Variants in RABL2A observed in about 807,000 individuals in gnomAD.
RABL2A encodes the protein RAB, member of RAS oncogene family like 2A.
RABL2A carries 17 observed loss-of-function variants against 30.7 expected under a neutral mutation model. That is an observed-to-expected ratio of 0.55 (90% confidence interval 0.38 to 0.83). The LOEUF is 0.83. RABL2A is among the 40% of genes least tolerant of loss of function. The pLI is 0.00. For synonymous variants in RABL2A, 64 were observed against 101.8 expected (o/e 0.63, Z 2.24); for missense variants, 155 against 272.6 (o/e 0.57, Z 3.04).
intron 1 of RABL2A, among the ~76,000 whole-genome samples, 163 bp downstream of exon 1, chr2:113,627,563 G>A (rs1678544615): frequency 6.6e-6 from 1 of 152,048 alleles, no homozygotes; most frequent in African/African-American, 2.4e-5. Flanking sequence ...GGCGATGCCT[G>A]GACATGGTTG....
intron 5 of RABL2A, among the ~76,000 whole-genome samples, chr2:113,639,743 C>T (rs1684392034): frequency 6.6e-6 from 1 of 152,018 alleles, no homozygotes; most frequent in African/African-American, 2.4e-5. Context: ...GTAGTCCCAG[C>T]TACTGAGGAG....
rs1280324642 is a variant in RABL2A at position 113,634,683 on chromosome 2, C to G, written c.218-368C>G. The G allele has an allele frequency of 7.2e-6, 3 of 418,956 alleles. No homozygotes were observed. The East Asian group carries it at 1.6e-4, about 22-fold the overall frequency. The allele number at this position is 418,956 out of a possible 1,614,324, so 26.0% of individuals were successfully genotyped here. ...TTGGCCGGGCACACAGCCTGCCTGA[C>G]TCTGTCTACCGTCTGTGGTCATCGC... On this transcript the variant is annotated intron_variant, in intron 4 of 8. Transcript: ENST00000683472.
At chr2:113,633,940 T>A (rs1297610867) in intron 3 of RABL2A, 3 of 1,074,846 alleles carry the variant, frequency 2.8e-6, no homozygotes, top group East Asian at 2.8e-5. Context: ...CAGGACACAC[T>A]CTCATCTCCT....
chr2:113,638,261 C>G (rs1683697569), intron 5 of RABL2A: 1 of 985,262 alleles, frequency 1.0e-6, no homozygotes, highest in Non-Finnish European at 1.2e-6. Flanking sequence ...CCTGCCACCT[C>G]TTGAGATGTG....
chr2:113,632,692 G>C (rs1384358620), intron 2 of RABL2A, among the ~76,000 whole-genome samples: 1 of 152,232 alleles, frequency 6.6e-6, no homozygotes, highest in African/African-American at 2.4e-5. Flanking sequence ...AGCTTCACGT[G>C]GGCTGGTGTG....
intron 5 of RABL2A, chr2:113,637,394 C>G (rs1224143625): frequency 9.6e-7 from 1 of 1,044,344 alleles, no homozygotes; most frequent in Non-Finnish European, 1.2e-6. Flanking sequence ...TGATCCCTTC[C>G]ACAACATGGA....
chr2:113,637,681 A>G (rs1683456282), intron 5 of RABL2A: 3 of 1,283,350 alleles, frequency 2.3e-6, no homozygotes, highest in Admixed American at 2.4e-5. Context: ...GGGGCAAGGA[A>G]AATGGGGGCA....
intron 5 of RABL2A, 98 bp from the exon 6 acceptor site, chr2:113,640,796 G>A: frequency 4.4e-6 from 7 of 1,587,508 alleles, no homozygotes; most frequent in Non-Finnish European, 6.0e-6. Flanking sequence ...ACAGCACCAT[G>A]TGCTCATGCT....
At position 113,641,412 on chromosome 2, in the gene RABL2A, T is replaced by G. The variant is rs1335249556; in HGVS notation, c.469T>G (p.Tyr157Asp). ...NFAKKFSLPL[Y>D]FVSAADGTNV... ...TGCCAAGAAGTTCTCCCTGCCCCTGTATTTCGTCTCGGCTGCTGATGGTAC... is the reference window on the plus strand; with the variant it reads ...TGCCAAGAAGTTCTCCCTGCCCCTGGATTTCGTCTCGGCTGCTGATGGTAC... The change falls in exon 7 of 9, where the codon TAT (tyrosine) becomes GAT (aspartate). Residue 157 changes from tyrosine to aspartate, a missense_variant. Tyr to Asp is a radical substitution (Grantham distance 160). Around this residue, in one of 5 missense-constraint regions of RABL2A, gnomAD observed 33 missense variants for 30.7 expected, o/e 1.08. Transcript: ENST00000683472. The G allele has an allele frequency of 6.2e-7, 1 of 1,611,738 alleles. No individual in the cohort carries two copies. The highest frequency in any genetic ancestry group is 1.3e-5 in the African/African-American group (1 of 74,326).
At chr2:113,633,065 G>A (rs1573992645) in intron 3 of RABL2A, 121 bp downstream of exon 3, 5 of 1,494,106 alleles carry the variant, frequency 3.3e-6, no homozygotes, top group South Asian at 1.1e-5. Flanking sequence ...GATTGGGTAA[G>A]TGAACGCACA....
At chr2:113,629,318 C>G (rs1249827464) in intron 2 of RABL2A, among the ~76,000 whole-genome samples, 1 of 152,192 alleles carries the variant, frequency 6.6e-6, no homozygotes, top group Non-Finnish European at 1.5e-5. Context: ...ACACTTGCCC[C>G]TGCCCAGAGA....
Position 113,639,517 on chromosome 2 carries a change from G to C in RABL2A, c.298-1377G>C, listed in dbSNP as rs1241102274. Among the ~76,000 whole-genome samples the C allele has an allele frequency of 2.0e-5, 3 of 151,522 alleles. No individual in the cohort carries two copies. The East Asian group carries it at 5.8e-4, about 29-fold the overall frequency. ...CGCACCTGTAATCCCAGCTACTCCG[G>C]AGGCTGAGACAAGAGAATCGCTTGA... On this transcript the variant is annotated intron_variant, in intron 5 of 8. Transcript: ENST00000683472.
chr2:113,636,945 C>T lies in RABL2A; in HGVS notation c.297+1815C>T, dbSNP rs112374612. Among the ~76,000 whole-genome samples the T allele has an allele frequency of 2.6e-4, 39 of 150,984 alleles. 1 individual carries two copies. The highest frequency in any genetic ancestry group is 8.8e-4 in the African/African-American group (36 of 40,768). ...CGGAGCTTGCAGTGAGCCGAGATCGCGCCACTGCACTCCAGCCTGGGCAAC... is the reference window on the plus strand; with the variant it reads ...CGGAGCTTGCAGTGAGCCGAGATCGTGCCACTGCACTCCAGCCTGGGCAAC... On this transcript the variant is annotated intron_variant, in intron 5 of 8. Coordinates refer to ENST00000683472, the MANE Select transcript of RABL2A (RefSeq NM_001306158.2).
chr2:113,635,703 G>C (rs190380835), intron 5 of RABL2A, among the ~76,000 whole-genome samples: 1 of 152,250 alleles, frequency 6.6e-6, no homozygotes, highest in Non-Finnish European at 1.5e-5. Flanking sequence ...AAGGAGCTCT[G>C]TAAACCTGTG....
In RABL2A at chr2:113,634,232, G is replaced by C; in HGVS notation, c.217G>C (p.Asp73His). 1.2e-6 allele frequency: 2 copies of C among 1,610,742 alleles called. No homozygotes were observed. Among genetic ancestry groups the C allele is most frequent in the Non-Finnish European group, 1.7e-6 (2 of 1,178,378 alleles). Residue 73 changes from aspartate to histidine, a missense_variant and splice_region_variant, in exon 4 of 9, where the codon GAC (aspartate) becomes CAC (histidine). Around this residue, in one of 5 missense-constraint regions of RABL2A, gnomAD observed 82 missense variants for 103.2 expected, o/e 0.79. Coordinates refer to ENST00000683472, the MANE Select transcript of RABL2A (RefSeq NM_001306158.2). ...ATVDGKTILV[D>H]FWDTAGQERF... ...GGTAGATGGCAAGACCATCCTTGTGGGTAAGTGGCACAGGGCCAAGACATG... is the reference window on the plus strand; with the variant it reads ...GGTAGATGGCAAGACCATCCTTGTGCGTAAGTGGCACAGGGCCAAGACATG...
chr2:113,634,985 G>A, intron 4 of RABL2A, 66 bp from the exon 5 acceptor site: 2 of 1,610,606 alleles, frequency 1.2e-6, no homozygotes, highest in Non-Finnish European at 1.7e-6. Flanking sequence ...CCGCATGTGT[G>A]TTGTATCTTA....
At chr2:113,637,395 A>G (rs1285305474) in intron 5 of RABL2A, 32 of 1,043,490 alleles carry the variant, frequency 3.1e-5, no homozygotes, top group Non-Finnish European at 3.6e-5. Flanking sequence ...GATCCCTTCC[A>G]CAACATGGAC....
chr2:113,642,681 G>A lies in RABL2A; in HGVS notation c.*552G>A, dbSNP rs191217536. The A allele has an allele frequency of 7.7e-4, 150 of 193,880 alleles. No individual in the cohort carries two copies. Among genetic ancestry groups the A allele is most frequent in the African/African-American group, 3.3e-3 (136 of 41,448 alleles). The allele number at this position is 193,880 out of a possible 1,614,324, so 12.0% of individuals were successfully genotyped here. On this transcript the variant is annotated 3_prime_UTR_variant, in exon 9 of 9. Transcript: ENST00000683472. ...TCCTGAGACGGAGTCTCGCTCTGTC[G>A]CCAGGCTGGAGTGCAGTGGCGCAGT...
chr2:113,636,412 C>T (rs1290072621), intron 5 of RABL2A, among the ~76,000 whole-genome samples: 1 of 152,232 alleles, frequency 6.6e-6, no homozygotes, highest in African/African-American at 2.4e-5. Context: ...TTGGCTGGAC[C>T]ACCAGCAGGT....
Sources: gnomAD v4.1 joint callset for allele counts (sites outside exome capture counted in the v4.1 genomes callset) on GRCh38, gnomAD v4.1.1 for gene constraint, gnomAD v4.1.1 regional missense constraint, MANE v1.5 for transcripts, NCBI Gene and HGNC (gene_info 2026-07-23, HGNC 2026-07-21) for gene names.